The following DISC1 variants were observed in gnomAD, a reference collection of about 807,000 sequenced individuals.
DISC1 encodes DISC1 scaffold protein.
In DISC1, 57 loss-of-function variants were observed where a neutral mutation model predicts 84.5. The observed-to-expected ratio is 0.67, with a 90% CI of 0.55 to 0.84. The LOEUF is 0.84. Ranked by LOEUF, DISC1 falls within the 40% of genes least tolerant of loss-of-function variation. The probability of loss-of-function intolerance (pLI) is 0.00; values close to 1 mark genes in which losing one functional copy is unlikely to be tolerated. For synonymous variants in DISC1, 411 were observed against 415.2 expected (o/e 0.99, Z 0.12); for missense variants, 1,000 against 1,057.8 (o/e 0.95, Z 0.76).
intron 1 of DISC1, among the ~76,000 whole-genome samples, chr1:231,689,183 A>T (rs1279468803): frequency 6.6e-6 from 1 of 152,184 alleles, no homozygotes; most frequent in African/African-American, 2.4e-5. Flanking sequence ...TTTATATGCA[A>T]GTCATGTTTT....
intron 1 of DISC1, chr1:231,629,331 G>A (rs1476604554): frequency 1.3e-5 from 2 of 152,742 alleles, no homozygotes; most frequent in Admixed American, 6.5e-5. Context: ...AAATCGAGGC[G>A]TTGGGTGTCA....
At chr1:231,810,807 C>T (rs1480795710) in intron 8 of DISC1, among the ~76,000 whole-genome samples, 1 of 152,144 alleles carries the variant, frequency 6.6e-6, no homozygotes, top group African/African-American at 2.4e-5. Flanking sequence ...AGTTATTAAT[C>T]CAGTCCTGAA....
At chr1:231,769,929 T>G (rs1442270353) in intron 5 of DISC1, among the ~76,000 whole-genome samples, 1 of 152,204 alleles carries the variant, frequency 6.6e-6, no homozygotes, top group Non-Finnish European at 1.5e-5. Flanking sequence ...TTTCTTAGAA[T>G]GTCTTGGTAG....
rs550404876 is a variant in DISC1 at position 231,681,799 on chromosome 1, G to T, written c.68-12027G>T. ...CAACCTCCGCCTCCTGGGTTCAAGC[G>T]ATTCTCCTGCCTCAGCCTCCCAAGT... is the stretch of plus-strand genomic sequence containing the variant. On this transcript the variant is annotated intron_variant, in intron 1 of 12. Coordinates refer to ENST00000439617, the MANE Select transcript of DISC1 (RefSeq NM_018662.3). 2.2e-3 allele frequency among the ~76,000 whole-genome samples: 339 copies of T among 152,142 alleles called. 1 individual carries two copies. Among genetic ancestry groups the T allele is most frequent in the Non-Finnish European group, 3.4e-3 (230 of 68,000 alleles).
intron 1 of DISC1, 116 bp from the exon 2 acceptor site, chr1:231,693,710 C>A: frequency 6.6e-7 from 1 of 1,518,620 alleles, no homozygotes; most frequent in Non-Finnish European, 9.0e-7. Flanking sequence ...CAGCATCTAT[C>A]TTTGACAGGT....
At chr1:231,672,012 A>G (rs989208918) in intron 1 of DISC1, among the ~76,000 whole-genome samples, 17 of 152,102 alleles carry the variant, frequency 1.1e-4, no homozygotes, top group African/African-American at 4.1e-4. Flanking sequence ...GGTGTCATTA[A>G]CTGTCTTTAT....
intron 9 of DISC1, among the ~76,000 whole-genome samples, chr1:231,841,597 T>G (rs1267793908): frequency 6.6e-6 from 1 of 152,240 alleles, no homozygotes; most frequent in African/African-American, 2.4e-5. Flanking sequence ...GAATATTTTC[T>G]GACCTCTTAA....
chr1:231,974,634 T>C (rs1218364233), intron 10 of DISC1, among the ~76,000 whole-genome samples: 1 of 152,246 alleles, frequency 6.6e-6, no homozygotes, highest in African/African-American at 2.4e-5. Context: ...GGCGGAAGCA[T>C]GAATTTAAAT....
At chr1:231,724,235 T>C (rs1272587331) in intron 3 of DISC1, among the ~76,000 whole-genome samples, 1 of 152,174 alleles carries the variant, frequency 6.6e-6, no homozygotes, top group East Asian at 1.9e-4. Flanking sequence ...GGGCCCTGCC[T>C]GCCTGCGTGG....
chr1:232,026,259 C>T (rs1300692996), intron 11 of DISC1, among the ~76,000 whole-genome samples, 176 bp from the exon 12 acceptor site: 1 of 152,170 alleles, frequency 6.6e-6, no homozygotes, highest in Non-Finnish European at 1.5e-5. Context: ...ATTCTTTGGT[C>T]ATAACTTGAA....
chr1:231,831,856 G>A (rs571980278), intron 9 of DISC1, among the ~76,000 whole-genome samples: 1 of 151,970 alleles, frequency 6.6e-6, no homozygotes, highest in Admixed American at 6.6e-5. Flanking sequence ...TAGTGGGGGG[G>A]GGTGGGCAGA....
rs60818301 is a variant in DISC1, at chr1:231,756,516, C to CGAGAGAGAGAGAGA, written c.1268+6475_1268+6488dup. On this transcript the variant is annotated intron_variant, in intron 4 of 12. Transcript: ENST00000439617. ...GGTTCACAAACGTATATGTGAATAT[C>CGAGAGAGAGAGAGA]GAGAGAGAGAGAGAGAGAGAGAGAG... Among the ~76,000 whole-genome samples the CGAGAGAGAGAGAGA allele has an allele frequency of 1.1e-3, 150 of 133,520 alleles. 3 individuals carry two copies. The highest frequency in any genetic ancestry group is 3.4e-3 in the African/African-American group (116 of 33,984). 87.6% of individuals were successfully genotyped at this position (133,520 alleles called of 152,430 possible). A position where few individuals can be genotyped will look rare whatever the true frequency, so the allele number is the denominator to read the frequency against.
At chr1:231,702,061 A>T in intron 3 of DISC1, 37 bp downstream of exon 3, 1 of 1,591,122 alleles carries the variant, frequency 6.3e-7, no homozygotes, top group Non-Finnish European at 8.5e-7. Context: ...TTTTGTCATC[A>T]TGTCCCAATT....
intron 8 of DISC1, chr1:231,813,271 G>A (rs1316201840): frequency 1.3e-5 from 2 of 152,242 alleles, no homozygotes; most frequent in Non-Finnish European, 1.5e-5. Flanking sequence ...TGATGTCTCT[G>A]GAGGCATAGT....
chr1:231,640,932 C>T (rs1289502102), intron 1 of DISC1, among the ~76,000 whole-genome samples: 2 of 152,140 alleles, frequency 1.3e-5, no homozygotes, highest in African/African-American at 2.4e-5. Context: ...CCAATGCTGC[C>T]TTTTGGATGA....
chr1:231,641,783 ACCCT>A (rs1213097537), intron 1 of DISC1, among the ~76,000 whole-genome samples: 2 of 152,240 alleles, frequency 1.3e-5, no homozygotes, highest in African/African-American at 4.8e-5. Context: ...GCATTCACAA[ACCCT>A]GAGTTAGACA....
At chr1:231,702,646 C>CA (rs1186135997) in intron 3 of DISC1, 7 of 970,136 alleles carry the variant, frequency 7.2e-6, no homozygotes, top group Non-Finnish European at 8.6e-6. Flanking sequence ...AACAAACAAA[C>CA]AAAAAAACAA....
chr1:232,021,095 A>G (rs560908204), intron 11 of DISC1, among the ~76,000 whole-genome samples: 1 of 152,316 alleles, frequency 6.6e-6, no homozygotes, highest in Admixed American at 6.5e-5. Flanking sequence ...AGTCTAGGCA[A>G]TGGGTGTGCC....
At chr1:231,904,462 A>G (rs1351554688) in intron 9 of DISC1, among the ~76,000 whole-genome samples, 2 of 152,144 alleles carry the variant, frequency 1.3e-5, no homozygotes, top group African/African-American at 4.8e-5. Flanking sequence ...GTGTCTCACT[A>G]GTGAAGAAGA....
Sources: gnomAD v4.1 joint callset for allele counts (sites outside exome capture counted in the v4.1 genomes callset) on GRCh38, gnomAD v4.1.1 for gene constraint, MANE v1.5 for transcripts, NCBI Gene and HGNC (gene_info 2026-07-23, HGNC 2026-07-21) for gene names.